Variants in DHX34 observed in about 807,000 individuals in gnomAD.
The protein encoded by DHX34 is DExH-box helicase 34.
A neutral mutation model predicts 111.1 loss-of-function variants in DHX34; 96 were observed. The observed-to-expected ratio is 0.86, with a 90% CI of 0.73 to 1.02. The LOEUF (loss-of-function observed/expected upper bound fraction) is 1.02. DHX34 is among the 50% of genes least tolerant of loss of function. The pLI, the probability that DHX34 is intolerant of heterozygous loss-of-function variation, is 0.00. For synonymous variants in DHX34, 688 were observed against 670.4 expected, an observed-to-expected ratio of 1.03 and a Z score of -0.41; for missense variants, 1,560 against 1,579.9, an observed-to-expected ratio of 0.99 and a Z score of 0.21.
Position 47,379,769 on chromosome 19 carries a change from C to G in DHX34, c.2766C>G (p.Ala922=), listed in dbSNP as rs139995746. Reference sequence around the variant, plus strand: ...ATGGTGACTGCTCCCGCCTGGTGGCCGATGGCTGGCTGGAGCTGCAGCTAG... The same window carrying G: ...ATGGTGACTGCTCCCGCCTGGTGGCGGATGGCTGGCTGGAGCTGCAGCTAG... ...DTNGDCSRLV[A]DGWLELQLAD... The change falls in exon 14 of 17, where the codon GCC becomes GCG. Residue 922 remains alanine, a synonymous_variant. Coordinates refer to ENST00000328771, the MANE Select transcript of DHX34 (RefSeq NM_014681.6). 464 of 1,613,014 alleles carry G rather than the reference C, an allele frequency of 2.9e-4. 2 individuals carry two copies. The highest frequency in any genetic ancestry group is 3.7e-4 in the Non-Finnish European group (436 of 1,179,242).
chr19:47,375,738 G>A, intron 10 of DHX34, 30 bp downstream of exon 10: 1 of 1,558,596 alleles, frequency 6.4e-7, no homozygotes, highest in Non-Finnish European at 8.6e-7. Context: ...GGGTGTGGGG[G>A]TTTACCAAGG....
At chr19:47,351,798 T>C (rs1425108981) in intron 1 of DHX34, among the ~76,000 whole-genome samples, 1 of 152,172 alleles carries the variant, frequency 6.6e-6, no homozygotes, top group African/African-American at 2.4e-5. Flanking sequence ...CTACTAAGAC[T>C]GGCCAGGTCT....
At position 47,377,201 on chromosome 19, in the gene DHX34, C is replaced by T. The variant is rs564391115; in HGVS notation, c.2701C>T (p.Leu901Phe). ...GGTGAACTGCGTCCGCATCCCTGCC[C>T]TCCAGGTGGGCCTCTGCCCCACCCC... ...YLVNCVRIPA[L>F]QSLLLFSRSL... is the part of the protein sequence containing the mutation. The change falls in exon 13 of 17, where the codon CTC (leucine) becomes TTC (phenylalanine). Residue 901 changes from leucine (L) to phenylalanine (F), a missense_variant. Coordinates refer to ENST00000328771, the MANE Select transcript of DHX34 (RefSeq NM_014681.6). The T allele has an allele frequency of 1.2e-6, 2 of 1,612,918 alleles. No homozygotes were observed. Among genetic ancestry groups the T allele is most frequent in the African/African-American group, 1.3e-5 (1 of 74,910 alleles).
At position 47,380,732 on chromosome 19, in the gene DHX34, G is replaced by C; in HGVS notation, c.2983-84G>C. On this transcript the variant is annotated intron_variant, in intron 14 of 16. Coordinates refer to ENST00000328771, the MANE Select transcript of DHX34 (RefSeq NM_014681.6). ...CCCGTAACTGCAAAGCCCGAGGGAGGGCTTCAGGCACAGCTGGATCCAGGT... is the reference window on the plus strand; with the variant it reads ...CCCGTAACTGCAAAGCCCGAGGGAGCGCTTCAGGCACAGCTGGATCCAGGT... 1.9e-6 allele frequency: 3 copies of C among 1,576,666 alleles called. No homozygotes were observed. In the South Asian group the frequency reaches 3.5e-5, roughly 18 times the overall value.
rs1970196583 is a variant in DHX34 at position 47,377,226 on chromosome 19, CG to C, written c.2706+21del. On this transcript the variant is annotated intron_variant, in intron 13 of 16. Transcript: ENST00000328771. ...CTCCAGGTGGGCCTCTGCCCCACCCCGCCCCCATGCCCAGATATGAGAGCTG... is the reference window on the plus strand; with the variant it reads ...CTCCAGGTGGGCCTCTGCCCCACCCCCCCCCATGCCCAGATATGAGAGCTG... The C allele has an allele frequency of 1.9e-6, 3 of 1,602,354 alleles. No homozygotes were observed. The highest frequency in any genetic ancestry group is 2.6e-6 in the Non-Finnish European group (3 of 1,174,264).
intron 7 of DHX34, among the ~76,000 whole-genome samples, chr19:47,369,097 C>G (rs1425318711): frequency 1.3e-5 from 2 of 152,078 alleles, no homozygotes; most frequent in Non-Finnish European, 2.9e-5. Flanking sequence ...AGGCTGGTCT[C>G]GAAGTCCTGA....
Position 47,367,031 on chromosome 19 carries a change from C to T in DHX34, c.1644C>T (p.Pro548=), listed in dbSNP as rs1365386469. 2 of 1,601,074 alleles carry T rather than the reference C, an allele frequency of 1.2e-6. No individual in the cohort carries two copies. Among genetic ancestry groups the T allele is most frequent in the African/African-American group, 2.7e-5 (2 of 74,576 alleles). Residue 548 remains proline, a synonymous_variant, in exon 7 of 17, where the codon CCC becomes CCT. Transcript: ENST00000328771. ...GDPRTFPFIE[P]PPPASLETAI... ...CCCGAACCTTCCCCTTCATCGAGCC[C>T]CCACCACCAGCCAGCCTGGAAACCG...
chr19:47,377,325 G>T, intron 13 of DHX34, 119 bp downstream of exon 13: 1 of 1,089,478 alleles, frequency 9.2e-7, no homozygotes, highest in Non-Finnish European at 1.3e-6. Context: ...CTGGCCGCAG[G>T]CGTCAGCCTT....
At chr19:47,361,130 A>C (rs1969618848) in intron 5 of DHX34, among the ~76,000 whole-genome samples, 1 of 152,040 alleles carries the variant, frequency 6.6e-6, no homozygotes, top group Non-Finnish European at 1.5e-5. Context: ...CTGACACTTC[A>C]TGTATCGGTT....
intron 13 of DHX34, 36 bp from the exon 14 acceptor site, chr19:47,379,674 C>A (rs1970287758): frequency 1.3e-6 from 2 of 1,563,564 alleles, no homozygotes; most frequent in Non-Finnish European, 1.7e-6. Flanking sequence ...CCTGCCCCTC[C>A]CACCTACTCC....
intron 9 of DHX34, among the ~76,000 whole-genome samples, chr19:47,374,727 C>T (rs1029201069): frequency 3.3e-5 from 5 of 152,180 alleles, no homozygotes; most frequent in Admixed American, 2.6e-4. Flanking sequence ...TTGCTCTGAG[C>T]ATGGGTCCCG....
At chr19:47,356,901 C>G (rs183061899) in intron 3 of DHX34, among the ~76,000 whole-genome samples, 1 of 152,022 alleles carries the variant, frequency 6.6e-6, no homozygotes, top group African/African-American at 2.4e-5. Flanking sequence ...TGCAGTGAGC[C>G]GAGATCATGC....
rs771665841 is a variant in DHX34 at position 47,377,195 on chromosome 19, C to T, written c.2695C>T (p.Pro899Ser). ...GTACCTGGTGAACTGCGTCCGCATC[C>T]CTGCCCTCCAGGTGGGCCTCTGCCC... ...KPYLVNCVRIPALQSLLLFSR... is the reference protein window; with the variant it reads ...KPYLVNCVRISALQSLLLFSR... Residue 899 changes from proline (P) to serine (S), a missense_variant, in exon 13 of 17, where the codon CCT (proline) becomes TCT (serine). Transcript: ENST00000328771. 10 of 1,613,448 alleles carry T rather than the reference C, an allele frequency of 6.2e-6. No individual in the cohort carries two copies. In the East Asian group the frequency reaches 1.6e-4, roughly 25 times the overall value.
chr19:47,361,055 T>C (rs553947521), intron 5 of DHX34, among the ~76,000 whole-genome samples: 14 of 152,266 alleles, frequency 9.2e-5, no homozygotes, highest in Middle Eastern at 3.4e-3. Flanking sequence ...CATAGCATAG[T>C]GTTTGGAGAC....
At chr19:47,356,811 C>T (rs931736353) in intron 3 of DHX34, among the ~76,000 whole-genome samples, 3 of 151,572 alleles carry the variant, frequency 2.0e-5, no homozygotes, top group African/African-American at 4.8e-5. Flanking sequence ...AAAATTAGCT[C>T]GAGTGGTGGT....
chr19:47,376,220 A>C, intron 11 of DHX34, 123 bp downstream of exon 11: 1 of 1,445,764 alleles, frequency 6.9e-7, no homozygotes, highest in Non-Finnish European at 9.1e-7. Context: ...TGGGGCTCAC[A>C]ACCCAGTGGG....
At chr19:47,367,312 A>T (rs1234372309) in intron 7 of DHX34, among the ~76,000 whole-genome samples, 157 bp downstream of exon 7, 5 of 152,218 alleles carry the variant, frequency 3.3e-5, no homozygotes. Flanking sequence ...GGTGCTGGGC[A>T]TATAGCAGTG....
chr19:47,360,416 G>A (rs964356312), intron 5 of DHX34, among the ~76,000 whole-genome samples: 3 of 152,086 alleles, frequency 2.0e-5, no homozygotes, highest in Non-Finnish European at 2.9e-5. Context: ...ACGATGTGTG[G>A]GGCCATGGAC....
chr19:47,380,703 G>A (rs914758627), intron 14 of DHX34, 113 bp from the exon 15 acceptor site: 14 of 1,515,372 alleles, frequency 9.2e-6, no homozygotes, highest in African/African-American at 2.8e-5. Context: ...GTAAGCACTT[G>A]GCTCCCGTAA....
Sources: allele counts gnomAD v4.1 joint callset (sites outside exome capture counted in the v4.1 genomes callset), GRCh38; gene constraint gnomAD v4.1.1; transcripts MANE v1.5; gene names NCBI Gene and HGNC (gene_info 2026-07-23, HGNC 2026-07-21).